The following ARID2 variants were observed in gnomAD, a reference collection of about 807,000 sequenced individuals.
The protein encoded by ARID2 is AT-rich interaction domain 2.
In ARID2, 32 loss-of-function variants were observed where a neutral mutation model predicts 184.6. That is an observed-to-expected ratio of 0.17 (90% CI 0.13 to 0.23). The LOEUF is 0.23. Among genes scored for constraint, ARID2 ranks in the 10% least tolerant of loss-of-function variants. The pLI is 1.00. For missense variants in ARID2, 1,696 were observed against 2,197.6 expected (o/e 0.77, Z 4.56); for synonymous variants, 836 against 772.6 (o/e 1.08, Z -1.36).
At chr12:45,888,053 G>C (rs527586826) in intron 16 of ARID2, among the ~76,000 whole-genome samples, 111 of 152,216 alleles carry the variant, frequency 7.3e-4, no homozygotes, top group African/African-American at 2.6e-3. Context: ...AAATCAGCTG[G>C]GGGTGCTGGC....
At chr12:45,748,781 A>G (rs1941406517) in intron 3 of ARID2, among the ~76,000 whole-genome samples, 1 of 152,176 alleles carries the variant, frequency 6.6e-6, no homozygotes, top group Non-Finnish European at 1.5e-5. Context: ...CCGAGAATAC[A>G]TTCTATCTCA....
intron 4 of ARID2, among the ~76,000 whole-genome samples, chr12:45,811,873 G>A (rs1412771130): frequency 1.3e-5 from 2 of 152,134 alleles, no homozygotes; most frequent in Non-Finnish European, 2.9e-5. Flanking sequence ...GGATTCAGGA[G>A]ACCAAGAATT....
At chr12:45,848,995 A>C (rs1943491789) in intron 13 of ARID2, 25 bp downstream of exon 13, 1 of 1,598,976 alleles carries the variant, frequency 6.3e-7, no homozygotes, top group African/African-American at 1.3e-5. Flanking sequence ...TCTTTAAATA[A>C]AGTCCATTTA....
chr12:45,878,392 T>C (rs1944045800), intron 16 of ARID2, among the ~76,000 whole-genome samples: 1 of 152,194 alleles, frequency 6.6e-6, no homozygotes, highest in Non-Finnish European at 1.5e-5. Context: ...CCCACAGTCC[T>C]TGAATATTCT....
At chr12:45,844,912 A>T (rs1241585549) in intron 11 of ARID2, among the ~76,000 whole-genome samples, 1 of 152,222 alleles carries the variant, frequency 6.6e-6, no homozygotes, top group Admixed American at 6.5e-5. Flanking sequence ...AAAATGAGAG[A>T]AAAAATTATC....
intron 6 of ARID2, among the ~76,000 whole-genome samples, chr12:45,823,422 A>G (rs570598474): frequency 6.6e-6 from 1 of 152,214 alleles, no homozygotes; most frequent in African/African-American, 2.4e-5. Context: ...CCAAACCCAA[A>G]ATTAGTAGAG....
chr12:45,828,811 GTTTT>G (rs547474214), intron 6 of ARID2, among the ~76,000 whole-genome samples: 77 of 151,538 alleles, frequency 5.1e-4, no homozygotes, highest in Admixed American at 3.0e-3. Context: ...ATTTGTAAGA[GTTTT>G]TTTTCTATAT....
intron 3 of ARID2, among the ~76,000 whole-genome samples, chr12:45,768,788 A>T (rs930684782): frequency 1.3e-5 from 2 of 152,190 alleles, no homozygotes; most frequent in African/African-American, 4.8e-5. Context: ...AGGAACCCAG[A>T]TTTGTTTTGA....
chr12:45,796,325 G>A (rs1016202426), intron 3 of ARID2, among the ~76,000 whole-genome samples: 4 of 151,770 alleles, frequency 2.6e-5, no homozygotes, highest in African/African-American at 9.7e-5. Context: ...ATTTTTACGG[G>A]CCACATGGAC....
rs1037566543 is a variant in ARID2, at chr12:45,850,159, A to C, written c.2036A>C (p.Gln679Pro). 1.3e-5 allele frequency: 21 copies of C among 1,614,020 alleles called. No homozygotes were observed. Among genetic ancestry groups the C allele is most frequent in the Non-Finnish European group, 1.8e-5 (21 of 1,180,004 alleles). Residue 679 changes from glutamine (Q) to proline (P), a missense_variant, in exon 15 of 21, where the codon CAA (glutamine) becomes CCA (proline). This residue lies in a region of ARID2 where 713 missense variants were observed against 824.4 expected (regional missense o/e 0.86). Transcript: ENST00000334344. The stretch of plus-strand genomic sequence containing the variant: ...GTACAAGGTGTTCATACTGTGGCAC[A>C]AACTGTTTCAAGAATTCCACAAAAT... ...FPVQGVHTVA[Q>P]TVSRIPQNPS... is the part of the protein sequence containing the mutation.
intron 3 of ARID2, among the ~76,000 whole-genome samples, chr12:45,810,401 A>G (rs1942684795): frequency 6.6e-6 from 1 of 152,198 alleles, no homozygotes; most frequent in South Asian, 2.1e-4. Context: ...TAGGCATAGT[A>G]CTTTTGGATT....
At chr12:45,733,939 T>G (rs1028236073) in intron 3 of ARID2, among the ~76,000 whole-genome samples, 36 of 152,196 alleles carry the variant, frequency 2.4e-4, no homozygotes, top group African/African-American at 8.7e-4. Flanking sequence ...GGCATTTAAT[T>G]TTTACAAATA....
chr12:45,866,593 C>T (rs984721539), intron 16 of ARID2, among the ~76,000 whole-genome samples: 8 of 152,208 alleles, frequency 5.3e-5, no homozygotes, highest in Admixed American at 3.3e-4. Context: ...GCTTGTTTCC[C>T]ACTACCTGGC....
chr12:45,905,176 A>C lies in ARID2; in HGVS notation c.*98A>C. On this transcript the variant is annotated 3_prime_UTR_variant, in exon 21 of 21. Coordinates refer to ENST00000334344, the MANE Select transcript of ARID2 (RefSeq NM_152641.4). Reference sequence around the variant, plus strand: ...CAAGTCTTAATGGAACAAAGACCATAGAATGAATTATTTTATCTCCTCCCA... The same window carrying C: ...CAAGTCTTAATGGAACAAAGACCATCGAATGAATTATTTTATCTCCTCCCA... The C allele has an allele frequency of 8.0e-7, 1 of 1,252,578 alleles. No individual in the cohort carries two copies. The highest frequency in any genetic ancestry group is 1.1e-6 in the Non-Finnish European group (1 of 928,414). The allele number at this position is 1,252,578 out of a possible 1,614,324, so 77.6% of individuals were successfully genotyped here.
chr12:45,761,825 T>C (rs572238293), intron 3 of ARID2, among the ~76,000 whole-genome samples: 12 of 152,266 alleles, frequency 7.9e-5, no homozygotes, highest in African/African-American at 2.9e-4. Flanking sequence ...TCTTTGCTTA[T>C]AGAATTCCTT....
chr12:45,866,050 A>G (rs1335320541), intron 16 of ARID2, among the ~76,000 whole-genome samples: 2 of 151,998 alleles, frequency 1.3e-5, no homozygotes, highest in Non-Finnish European at 2.9e-5. Flanking sequence ...CAGCTATACT[A>G]TATTGTACAT....
intron 3 of ARID2, among the ~76,000 whole-genome samples, chr12:45,809,858 C>T (rs1942670945): frequency 6.6e-6 from 1 of 152,062 alleles, no homozygotes; most frequent in Non-Finnish European, 1.5e-5. Context: ...TTTTTCATGT[C>T]ATTAGTTTTT....
chr12:45,761,882 C>G (rs1941688700), intron 3 of ARID2, among the ~76,000 whole-genome samples: 1 of 152,114 alleles, frequency 6.6e-6, no homozygotes, highest in Non-Finnish European at 1.5e-5. Context: ...CATATTTTAA[C>G]TAGCGCTTTA....
rs567546499 is a variant in ARID2, at chr12:45,899,592, C to T, written c.5364-5342C>T. Among the ~76,000 whole-genome samples, 23 of 145,900 alleles carry T rather than the reference C, an allele frequency of 1.6e-4. No individual in the cohort carries two copies. The East Asian group carries it at 3.8e-3, about 24-fold the overall frequency. ...CTGCACTCCAGCCTGGGCGACAGAG[C>T]GAGATTCCATCTCAAAATATATATA... On this transcript the variant is annotated intron_variant, in intron 20 of 20. Coordinates refer to ENST00000334344, the MANE Select transcript of ARID2 (RefSeq NM_152641.4).
Sources: allele counts gnomAD v4.1 joint callset (sites outside exome capture counted in the v4.1 genomes callset), GRCh38; gene constraint gnomAD v4.1.1; regional missense constraint gnomAD v4.1.1; transcripts MANE v1.5; gene names NCBI Gene and HGNC (gene_info 2026-07-23, HGNC 2026-07-21).